Variants in FLNB observed in about 807,000 individuals in gnomAD.
FLNB encodes the protein filamin-B.
In FLNB, 111 loss-of-function variants were observed where a neutral mutation model predicts 250.6. The ratio of observed to expected loss-of-function variants is 0.44; its 90% CI spans 0.38 to 0.52. The LOEUF is 0.52. FLNB is among the 20% of genes least tolerant of loss of function. The probability of loss-of-function intolerance (pLI) is 0.00; values close to 1 mark genes in which losing one functional copy is unlikely to be tolerated. For synonymous variants in FLNB, 1,302 were observed against 1,372.1 expected (o/e 0.95, Z 1.13); for missense variants, 2,869 against 3,447.8 (o/e 0.83, Z 4.20).
intron 34 of FLNB, 148 bp from the exon 35 acceptor site, chr3:58,148,058 A>C (rs2097338485): frequency 3.9e-6 from 3 of 768,364 alleles, no homozygotes. Flanking sequence ...GGTTGGGTCT[A>C]CTCAGTGTTC....
chr3:58,021,732 T>G (rs937044074), intron 1 of FLNB, among the ~76,000 whole-genome samples: 2 of 152,158 alleles, frequency 1.3e-5, no homozygotes, highest in African/African-American at 2.4e-5. Flanking sequence ...ACACCCAAAG[T>G]TGGGCATGAG....
At chr3:58,144,197 CT>C (rs1289432762) in intron 32 of FLNB, among the ~76,000 whole-genome samples, 4 of 152,208 alleles carry the variant, frequency 2.6e-5, no homozygotes, top group African/African-American at 7.2e-5. Flanking sequence ...CTTCCTACCC[CT>C]CTCCTTGAAC....
In FLNB at chr3:58,161,885, C is replaced by T. The variant is rs574778457; in HGVS notation, c.7022-1269C>T. On this transcript the variant is annotated intron_variant, in intron 42 of 45. Transcript: ENST00000295956. ...CTCAGGATTCTTAGAAGTCGAGAGC[C>T]TCCTTTCCCAGAAGTCTCCAGCACG... is the stretch of plus-strand genomic sequence containing the variant. Among the ~76,000 whole-genome samples, 104 of 152,306 alleles carry T rather than the reference C, an allele frequency of 6.8e-4. 1 individual carries two copies. Among genetic ancestry groups the T allele is most frequent in the African/African-American group, 2.4e-3 (99 of 41,568 alleles).
intron 1 of FLNB, among the ~76,000 whole-genome samples, chr3:58,047,180 T>C (rs2097155525): frequency 6.6e-6 from 1 of 152,252 alleles, no homozygotes; most frequent in Admixed American, 6.5e-5. Context: ...AATTGGTTTC[T>C]GGAAGAAAGT....
chr3:58,060,787 A>G (rs984119852), intron 1 of FLNB, among the ~76,000 whole-genome samples: 1 of 107,896 alleles, frequency 9.3e-6, no homozygotes, highest in Non-Finnish European at 1.8e-5. Context: ...AAAAAAAAAA[A>G]AAAAAAAAAA....
At chr3:58,103,310 C>G (rs2097254204) in intron 9 of FLNB, among the ~76,000 whole-genome samples, 2 of 140,990 alleles carry the variant, frequency 1.4e-5, no homozygotes, top group Admixed American at 1.4e-4. Flanking sequence ...GCGTGCATGC[C>G]TCTGCGTATG....
chr3:58,160,827 TA>T (rs922356442), intron 42 of FLNB, among the ~76,000 whole-genome samples: 7 of 147,490 alleles, frequency 4.7e-5, no homozygotes, highest in East Asian at 2.0e-4. Context: ...CAAAAAAAAG[TA>T]AAAAAAAAAT....
rs1030933539 is a variant in FLNB, at chr3:58,124,623, G to T, written c.3898+118G>T. ...TAGGCCTGTCTCAGCAGGGCCACGT[G>T]CAGAGTGACAGAGTGGAAGTCAGCG... On this transcript the variant is annotated intron_variant, in intron 22 of 45. Coordinates refer to ENST00000295956, the MANE Select transcript of FLNB (RefSeq NM_001457.4). 1.2e-4 allele frequency: 132 copies of T among 1,090,216 alleles called. 1 individual carries two copies. The Admixed American group carries it at 2.5e-3, about 21-fold the overall frequency. 67.5% of individuals were successfully genotyped at this position (1,090,216 alleles called of 1,614,324 possible). A position where few individuals can be genotyped will look rare whatever the true frequency, so the allele number is the denominator to read the frequency against.
At chr3:58,097,629 T>A (rs566707472) in intron 6 of FLNB, among the ~76,000 whole-genome samples, 186 bp from the exon 7 acceptor site, 1 of 152,330 alleles carries the variant, frequency 6.6e-6, no homozygotes, top group East Asian at 1.9e-4. Flanking sequence ...GCTGTATGGC[T>A]GAAGGGGCCA....
At chr3:58,030,616 G>C (rs894743076) in intron 1 of FLNB, among the ~76,000 whole-genome samples, 7 of 152,316 alleles carry the variant, frequency 4.6e-5, no homozygotes, top group African/African-American at 1.7e-4. Context: ...GCTCATGCCT[G>C]TAATCCCAGC....
Position 58,169,444 on chromosome 3 carries a change from G to T in FLNB, c.7418-146G>T. On this transcript the variant is annotated intron_variant, in intron 44 of 45. Coordinates refer to ENST00000295956, the MANE Select transcript of FLNB (RefSeq NM_001457.4). The surrounding 1 kb of genome is among the most constrained non-coding windows in gnomAD (Gnocchi z 4.8). ...TCCTAGGGGTTTAGAAGACATTATG[G>T]GTGTGAGATACAGGTGTGGTGGCTT... 1.4e-6 allele frequency: 1 copy of T among 715,078 alleles called. No individual in the cohort carries two copies. The highest frequency in any genetic ancestry group is 1.9e-5 in the Admixed American group (1 of 51,390). The allele number at this position is 715,078 out of a possible 1,614,324, so 44.3% of individuals were successfully genotyped here.
chr3:58,105,166 G>T lies in FLNB; in HGVS notation c.1697G>T (p.Arg566Leu). Residue 566 changes from arginine (R) to leucine (L), a missense_variant, in exon 11 of 46, where the codon CGG becomes CTG. Around this residue, in one of 5 missense-constraint regions of FLNB, gnomAD observed 1,348 missense variants for 1,466.7 expected, o/e 0.92. Coordinates refer to ENST00000295956, the MANE Select transcript of FLNB (RefSeq NM_001457.4). The stretch of plus-strand genomic sequence containing the variant: ...GGGCTCCATGGTGGGATTGTCGGGC[G>T]GTCAGCGGACTTCGTGGTAGAATCC... Reference protein sequence around the residue: ...GPGLHGGIVGRSADFVVESIG... With the variant: ...GPGLHGGIVGLSADFVVESIG... 1 of 1,614,214 alleles carries T rather than the reference G, an allele frequency of 6.2e-7. No individual in the cohort carries two copies. The highest frequency in any genetic ancestry group is 1.3e-5 in the African/African-American group (1 of 75,062).
chr3:58,144,506 A>G (rs2097332496), intron 32 of FLNB, among the ~76,000 whole-genome samples: 1 of 152,186 alleles, frequency 6.6e-6, no homozygotes, highest in African/African-American at 2.4e-5. Flanking sequence ...CCATTTCCCT[A>G]TTGGAGGGCA....
intron 4 of FLNB, among the ~76,000 whole-genome samples, chr3:58,090,894 C>T (rs939492943): frequency 5.9e-5 from 9 of 151,828 alleles, no homozygotes; most frequent in African/African-American, 1.7e-4. Context: ...CTGGCTAACA[C>T]GGTGAAACCC....
intron 1 of FLNB, among the ~76,000 whole-genome samples, chr3:58,014,877 C>T (rs1055608580): frequency 6.6e-6 from 1 of 151,974 alleles, no homozygotes; most frequent in East Asian, 1.9e-4. Flanking sequence ...TACAGGCGTG[C>T]GCCACTATGT....
chr3:58,026,104 TG>T (rs2097123262), intron 1 of FLNB, among the ~76,000 whole-genome samples: 1 of 152,216 alleles, frequency 6.6e-6, no homozygotes, highest in Non-Finnish European at 1.5e-5. Flanking sequence ...CACTTAGCCT[TG>T]GAAAAATAAG....
chr3:58,034,049 CG>C lies in FLNB; in HGVS notation c.292+25197del, dbSNP rs573234126. On this transcript the variant is annotated intron_variant, in intron 1 of 45. Transcript: ENST00000295956. Reference sequence around the variant, plus strand: ...CTAATTTTTGTATTTTTAGTAGAGACGGGGTTTCACCATGTTGGTCATGCTG... The same window carrying C: ...CTAATTTTTGTATTTTTAGTAGAGACGGGTTTCACCATGTTGGTCATGCTG... Among the ~76,000 whole-genome samples, 21 of 151,470 alleles carry C rather than the reference CG, an allele frequency of 1.4e-4. No homozygotes were observed. The South Asian group carries it at 4.4e-3, about 32-fold the overall frequency.
intron 1 of FLNB, 89 bp from the exon 2 acceptor site, chr3:58,076,957 G>A: frequency 9.7e-6 from 14 of 1,441,786 alleles, no homozygotes; most frequent in Non-Finnish European, 1.4e-5. Context: ...TTCTCTAATA[G>A]TTGAAGACTC....
At chr3:58,035,094 C>T (rs2097136180) in intron 1 of FLNB, among the ~76,000 whole-genome samples, 1 of 152,156 alleles carries the variant, frequency 6.6e-6, no homozygotes, top group Non-Finnish European at 1.5e-5. Flanking sequence ...ACGTGGCTTC[C>T]TGTGTCACTA....
Sources: allele counts gnomAD v4.1 joint callset (sites outside exome capture counted in the v4.1 genomes callset), GRCh38; gene constraint gnomAD v4.1.1; regional missense constraint gnomAD v4.1.1; non-coding constraint Gnocchi (gnomAD v3.1); transcripts MANE v1.5; gene names NCBI Gene and HGNC (gene_info 2026-07-23, HGNC 2026-07-21).